TMEM245: variants seen among roughly 807,000 people sequenced by gnomAD.
The protein encoded by TMEM245 is transmembrane protein 245.
Under a neutral mutation model 101.2 loss-of-function variants are expected in TMEM245, and 69 were observed. The observed-to-expected ratio is 0.68, with a 90% confidence interval of 0.56 to 0.83. TMEM245 has a LOEUF of 0.83. Ranked by LOEUF, TMEM245 falls within the 40% of genes least tolerant of loss-of-function variation. The pLI is 0.00. For missense variants in TMEM245, 1,075 were observed against 1,092.8 expected (o/e 0.98, Z 0.23); for synonymous variants, 537 against 449.8 (o/e 1.19, Z -2.45).
At chr9:109,104,206 TA>T (rs1240471826) in intron 3 of TMEM245, among the ~76,000 whole-genome samples, 1 of 152,202 alleles carries the variant, frequency 6.6e-6, no homozygotes. Context: ...GGATTATTTA[TA>T]ACAAAGGATA....
At chr9:109,031,966 T>A (rs1411836928) in intron 17 of TMEM245, among the ~76,000 whole-genome samples, 2 of 152,252 alleles carry the variant, frequency 1.3e-5, no homozygotes, top group African/African-American at 4.8e-5. Context: ...TAAAAATGTA[T>A]AAACCTACAC....
chr9:109,103,737 G>A (rs1830335914), intron 3 of TMEM245, among the ~76,000 whole-genome samples: 1 of 152,118 alleles, frequency 6.6e-6, no homozygotes, highest in Non-Finnish European at 1.5e-5. Context: ...AGGCTGGGAA[G>A]GATAGTGAGA....
At chr9:109,105,361 G>T (rs1393692584) in intron 3 of TMEM245, among the ~76,000 whole-genome samples, 1 of 152,266 alleles carries the variant, frequency 6.6e-6, no homozygotes, top group Non-Finnish European at 1.5e-5. Flanking sequence ...AATAGGTGTT[G>T]GCAAGGATGC....
In TMEM245 at chr9:109,101,945, T is replaced by C. The variant is rs147613763; in HGVS notation, c.799+4563A>G. 7.7e-4 allele frequency among the ~76,000 whole-genome samples: 118 copies of C among 152,330 alleles called. 1 individual carries two copies. The East Asian group carries it at 0.019, about 25-fold the overall frequency. ...AGAAAACCCAACCACAACCTTTGGT[T>C]TAGACTTGCATTACTTATATTCTTA... On this transcript the variant is annotated intron_variant, in intron 3 of 17. Coordinates refer to ENST00000374586, the MANE Select transcript of TMEM245 (RefSeq NM_032012.4).
intron 2 of TMEM245, among the ~76,000 whole-genome samples, chr9:109,106,824 T>C (rs915853533): frequency 1.3e-5 from 2 of 152,106 alleles, no homozygotes; most frequent in African/African-American, 4.8e-5. Context: ...CCTGGTCAAA[T>C]GGATAGGGTA....
In TMEM245 at chr9:109,020,397, A is replaced by G. The variant is rs1261010464; in HGVS notation, c.*63T>C. 2.6e-6 allele frequency: 4 copies of G among 1,541,776 alleles called. No homozygotes were observed. The highest frequency in any genetic ancestry group is 3.6e-6 in the Non-Finnish European group (4 of 1,114,190). The stretch of plus-strand genomic sequence containing the variant: ...CACAGCTGGAAGGGCAGAGGGCCAC[A>G]GCTGAGCTGAACTCGCTGTCAAATT... On this transcript the variant is annotated 3_prime_UTR_variant, in exon 18 of 18. Transcript: ENST00000374586.
intron 14 of TMEM245, among the ~76,000 whole-genome samples, chr9:109,039,812 G>C (rs1828249640): frequency 6.6e-6 from 1 of 151,962 alleles, no homozygotes; most frequent in African/African-American, 2.4e-5. Context: ...TAGGTTTTGA[G>C]GGGGAGGGAA....
Position 109,119,350 on chromosome 9 carries a change from G to C in TMEM245, c.564C>G (p.Tyr188Ter), listed in dbSNP as rs1415949695. 1.3e-6 allele frequency: 2 copies of C among 1,531,598 alleles called. No homozygotes were observed. The highest frequency in any genetic ancestry group is 1.4e-5 in the African/African-American group (1 of 71,368). 94.9% of individuals were successfully genotyped at this position (1,531,598 alleles called of 1,614,324 possible). ...GCTCACTCACCCACAGGCTGCTGAA[G>C]TAGTCCAGCCCGCGGCAGATGAGCG... is the stretch of plus-strand genomic sequence containing the variant. ...AATLICRGLD[Y>*]FSSLWIWTLV... Residue 188 changes from tyrosine (Y) to a stop codon, truncating the protein, a stop_gained, in exon 1 of 18, where the codon TAC (tyrosine) becomes TAG (stop). Transcript: ENST00000374586. LOFTEE classifies it high-confidence loss of function.
At chr9:109,118,340 C>CA (rs1389094699) in intron 1 of TMEM245, among the ~76,000 whole-genome samples, 3 of 152,194 alleles carry the variant, frequency 2.0e-5, no homozygotes, top group Non-Finnish European at 4.4e-5. Context: ...TTAATGACGT[C>CA]AAGGTACACT....
At position 109,087,216 on chromosome 9, in the gene TMEM245, G is replaced by C; in HGVS notation, c.1277C>G (p.Pro426Arg). ...KERQGALAPW[P>R]IVGLGKFLLK... The stretch of plus-strand genomic sequence containing the variant: ...CAAGAATTTTCCAAGCCCGACAATG[G>C]GCCAAGGCGCGAGAGCTCCCTGCCG... Residue 426 changes from proline to arginine, a missense_variant, in exon 6 of 18, where the codon CCC (proline) becomes CGC (arginine). Transcript: ENST00000374586. The C allele has an allele frequency of 1.2e-6, 2 of 1,612,262 alleles. No individual in the cohort carries two copies. Among genetic ancestry groups the C allele is most frequent in the Non-Finnish European group, 1.7e-6 (2 of 1,179,406 alleles).
intron 3 of TMEM245, among the ~76,000 whole-genome samples, chr9:109,106,067 C>T (rs567466401): frequency 8.1e-4 from 124 of 152,220 alleles, no homozygotes; most frequent in Admixed American, 1.8e-3. Flanking sequence ...CCACTGCGCA[C>T]GGCCTGTAGG....
chr9:109,056,183 G>C (rs1828829658), intron 12 of TMEM245, among the ~76,000 whole-genome samples: 1 of 152,108 alleles, frequency 6.6e-6, no homozygotes, highest in South Asian at 2.1e-4. Context: ...AAAAGAATTG[G>C]CAGTTGTTTG....
intron 3 of TMEM245, among the ~76,000 whole-genome samples, chr9:109,104,548 G>C (rs915063325): frequency 4.6e-5 from 7 of 152,070 alleles, no homozygotes; most frequent in Admixed American, 3.3e-4. Flanking sequence ...CAGGAAAGCT[G>C]ATCATAAATA....
intron 14 of TMEM245, among the ~76,000 whole-genome samples, chr9:109,042,785 CTTT>C (rs375150588): frequency 6.8e-6 from 1 of 147,842 alleles, no homozygotes; most frequent in South Asian, 2.2e-4. Context: ...CTTATAAGAA[CTTT>C]TTTTTTAACT....
rs2132311626 is a variant in TMEM245, at chr9:109,033,340, G to A, written c.2561C>T (p.Pro854Leu). Reference protein sequence around the residue: ...LVSPTNSVPTPNQTPWPAQPQ... With the variant: ...LVSPTNSVPTLNQTPWPAQPQ... Reference sequence around the variant, plus strand: ...CTGAGCAGGCCATGGGGTCTGGTTTGGCGTGGGAACTGAATTCGTGGGACT... The same window carrying A: ...CTGAGCAGGCCATGGGGTCTGGTTTAGCGTGGGAACTGAATTCGTGGGACT... The change falls in exon 17 of 18, where the codon CCA (proline) becomes CTA (leucine). Residue 854 changes from proline (P) to leucine (L), a missense_variant. By Grantham distance (98) the Pro-to-Leu change is moderately conservative. Transcript: ENST00000374586. The A allele has an allele frequency of 6.2e-7, 1 of 1,613,146 alleles. No individual in the cohort carries two copies. Among genetic ancestry groups the A allele is most frequent in the South Asian group, 1.1e-5 (1 of 90,880 alleles).
At chr9:109,044,395 CCTGT>C (rs1214410657) in intron 14 of TMEM245, among the ~76,000 whole-genome samples, 5 of 152,244 alleles carry the variant, frequency 3.3e-5, no homozygotes, top group South Asian at 2.1e-4. Flanking sequence ...GTAAGAATTA[CCTGT>C]CTAAGGAAGA....
At chr9:109,051,685 G>C (rs1211296237) in intron 12 of TMEM245, among the ~76,000 whole-genome samples, 1 of 152,166 alleles carries the variant, frequency 6.6e-6, no homozygotes, top group Non-Finnish European at 1.5e-5. Context: ...ATCATTAACA[G>C]AGACATTATT....
intron 1 of TMEM245, among the ~76,000 whole-genome samples, chr9:109,112,805 C>T (rs56021454): frequency 0.22 from 33,370 of 151,946 alleles, 3,965 homozygotes; most frequent in East Asian, 0.34. Flanking sequence ...CGGCCGGGCG[C>T]GGTGGCTCAT....
chr9:109,094,096 C>G lies in TMEM245; in HGVS notation c.800-505G>C, dbSNP rs146504218. Among the ~76,000 whole-genome samples, 309 of 152,308 alleles carry G rather than the reference C, an allele frequency of 2.0e-3. 1 individual carries two copies. The highest frequency in any genetic ancestry group is 3.4e-3 in the Middle Eastern group (1 of 294). ...GATTTATAAATTACATAACTCAGTA[C>G]AGGCAAAATCCACCACTTGAAAATC... On this transcript the variant is annotated intron_variant, in intron 3 of 17. Transcript: ENST00000374586.
Sources: gnomAD v4.1 joint callset for allele counts (sites outside exome capture counted in the v4.1 genomes callset) on GRCh38, gnomAD v4.1.1 for gene constraint, MANE v1.5 for transcripts, NCBI Gene and HGNC (gene_info 2026-07-23, HGNC 2026-07-21) for gene names.